The following NTRK3 variants were observed in gnomAD, a reference collection of about 807,000 sequenced individuals.
The protein encoded by NTRK3 is NT-3 growth factor receptor.
Under a neutral mutation model 91.7 loss-of-function variants are expected in NTRK3, and 24 were observed. That is an observed-to-expected ratio of 0.26 (90% CI 0.19 to 0.37). The LOEUF is 0.37. NTRK3 is among the 10% of genes least tolerant of loss of function. The pLI is 1.00. For synonymous variants in NTRK3, 483 were observed against 404.0 expected, an observed-to-expected ratio of 1.20 and a Z score of -2.34; for missense variants, 880 against 1,068.9, an observed-to-expected ratio of 0.82 and a Z score of 2.46.
At chr15:88,170,388 C>T (rs142017226) in intron 5 of NTRK3, among the ~76,000 whole-genome samples, 31 of 152,292 alleles carry the variant, frequency 2.0e-4, no homozygotes, top group African/African-American at 7.0e-4. Context: ...AGGATAAAGT[C>T]CTTTCATCAA....
intron 13 of NTRK3, among the ~76,000 whole-genome samples, chr15:88,105,933 A>T (rs187983380): frequency 2.0e-4 from 31 of 152,334 alleles, no homozygotes; most frequent in African/African-American, 6.5e-4. Context: ...ACCCAAATCA[A>T]AAAGAAAGTC....
chr15:87,945,803 GAAAAAAA>G (rs34162356), intron 14 of NTRK3, among the ~76,000 whole-genome samples: 2 of 106,762 alleles, frequency 1.9e-5, no homozygotes, highest in Admixed American at 1.1e-4. Context: ...TGAAGACTGG[GAAAAAAA>G]AAAAAAAAAA....
At chr15:88,250,737 C>T (rs1171608280) in intron 3 of NTRK3, among the ~76,000 whole-genome samples, 1 of 152,180 alleles carries the variant, frequency 6.6e-6, no homozygotes, top group Non-Finnish European at 1.5e-5. Flanking sequence ...GCCAACCCTC[C>T]CAATCACAAG....
intron 15 of NTRK3, among the ~76,000 whole-genome samples, chr15:87,938,781 T>C (rs1242225986): frequency 6.6e-6 from 1 of 152,158 alleles, no homozygotes; most frequent in African/African-American, 2.4e-5. Flanking sequence ...GCAGTGCAGA[T>C]CCTAAGTTTA....
intron 13 of NTRK3, among the ~76,000 whole-genome samples, chr15:88,121,041 A>T (rs548393216): frequency 2.0e-5 from 3 of 152,370 alleles, no homozygotes; most frequent in Admixed American, 1.3e-4. Flanking sequence ...ATCTAGAAGT[A>T]TTTAAAGATA....
intron 5 of NTRK3, among the ~76,000 whole-genome samples, chr15:88,162,597 C>T (rs1425030874): frequency 6.6e-6 from 1 of 152,180 alleles, no homozygotes; most frequent in African/African-American, 2.4e-5. Context: ...TCAGCATACG[C>T]GCTAAATGGT....
intron 13 of NTRK3, among the ~76,000 whole-genome samples, chr15:88,035,830 A>C (rs2079023443): frequency 6.6e-6 from 1 of 152,232 alleles, no homozygotes; most frequent in African/African-American, 2.4e-5. Context: ...GCATCTATAC[A>C]AGCAAGGCAA....
Position 88,126,254 on chromosome 15 carries a change from T to C in NTRK3, c.1396+17A>G. The C allele has an allele frequency of 6.4e-7, 1 of 1,571,490 alleles. No individual in the cohort carries two copies. Among genetic ancestry groups the C allele is most frequent in the Non-Finnish European group, 8.8e-7 (1 of 1,141,394 alleles). ...TTTCCCCCCATGACGCCCTTGAAAA[T>C]GAAACTCCCACCTTACCCTTCATTC... On this transcript the variant is annotated intron_variant, in intron 13 of 18. Coordinates refer to ENST00000394480, the Ensembl canonical transcript of NTRK3.
chr15:88,061,886 G>A (rs2046251525), intron 13 of NTRK3, among the ~76,000 whole-genome samples: 1 of 152,188 alleles, frequency 6.6e-6, no homozygotes, highest in Admixed American at 6.5e-5. Context: ...CTGAGCCTCA[G>A]GCCCCTTATC....
intron 13 of NTRK3, among the ~76,000 whole-genome samples, chr15:88,106,958 G>C (rs2050777642): frequency 6.6e-6 from 1 of 151,338 alleles, no homozygotes. Context: ...AAAAAAGTAT[G>C]GGAATATAGA....
intron 14 of NTRK3, among the ~76,000 whole-genome samples, chr15:87,966,892 C>T (rs1040910312): frequency 4.6e-5 from 7 of 152,142 alleles, no homozygotes; most frequent in Admixed American, 1.3e-4. Flanking sequence ...GGTTTCTCAA[C>T]GTTAATACTG....
chr15:88,066,794 T>C (rs563433607), intron 13 of NTRK3, among the ~76,000 whole-genome samples: 2 of 152,224 alleles, frequency 1.3e-5, no homozygotes, highest in Admixed American at 6.5e-5. Context: ...GGTTCTTACA[T>C]TGGGCAGCAA....
At chr15:87,924,498 C>T (rs569315723) in intron 17 of NTRK3, among the ~76,000 whole-genome samples, 3 of 152,120 alleles carry the variant, frequency 2.0e-5, no homozygotes, top group Non-Finnish European at 4.4e-5. Flanking sequence ...CATACTTACC[C>T]CATCATGTCC....
chr15:88,135,157 G>A (rs1170728539), exon 10 of NTRK3: 2 of 1,614,138 alleles, frequency 1.2e-6, no homozygotes, highest in African/African-American at 2.7e-5. Flanking sequence ...TGTGCCCAGT[G>A]GGTTTTTGGC....
chr15:88,148,526 G>A (rs772961815), intron 5 of NTRK3, among the ~76,000 whole-genome samples: 15 of 152,126 alleles, frequency 9.9e-5, no homozygotes. Flanking sequence ...AGGGAGGAGT[G>A]TTTCAGGCAG....
At chr15:88,038,602 G>A (rs1002022305) in intron 13 of NTRK3, among the ~76,000 whole-genome samples, 1 of 152,180 alleles carries the variant, frequency 6.6e-6, no homozygotes, top group Non-Finnish European at 1.5e-5. Flanking sequence ...TGCGGAGGAT[G>A]CTGATCATGA....
At chr15:87,921,779 GC>G (rs1434039321) in intron 17 of NTRK3, among the ~76,000 whole-genome samples, 1 of 152,006 alleles carries the variant, frequency 6.6e-6, no homozygotes, top group Non-Finnish European at 1.5e-5. Context: ...GCAATGAGCA[GC>G]AAAACTTCTG....
At chr15:88,125,689 C>T (rs1443130483) in intron 13 of NTRK3, among the ~76,000 whole-genome samples, 1 of 152,198 alleles carries the variant, frequency 6.6e-6, no homozygotes, top group African/African-American at 2.4e-5. Flanking sequence ...CATATCCCAC[C>T]ACCCCACCCT....
exon 19 of NTRK3, chr15:87,870,933 T>G (rs1261419012): frequency 4.3e-6 from 1 of 230,364 alleles, no homozygotes; most frequent in Non-Finnish European, 8.6e-6. Context: ...GCCTGGGTGA[T>G]TAGGAAAAAT....
Sources: allele counts gnomAD v4.1 joint callset (sites outside exome capture counted in the v4.1 genomes callset), GRCh38; gene constraint gnomAD v4.1.1; transcripts MANE v1.5; gene names NCBI Gene and HGNC (gene_info 2026-07-23, HGNC 2026-07-21).